Variants in CCDC141 observed in about 807,000 individuals in gnomAD.
The protein encoded by CCDC141 is coiled-coil domain-containing protein 141.
A neutral mutation model predicts 181.0 loss-of-function variants in CCDC141; 168 were observed. The observed-to-expected ratio is 0.93, with a 90% CI of 0.82 to 1.05. The LOEUF (loss-of-function observed/expected upper bound fraction) is 1.05, where lower values mean the gene tolerates loss of function less well. Ranked by LOEUF, CCDC141 falls within the 50% of genes least tolerant of loss-of-function variation. The probability of loss-of-function intolerance (pLI) is 0.00; values close to 1 mark genes in which losing one functional copy is unlikely to be tolerated. For synonymous variants in CCDC141, 666 were observed against 642.3 expected, an observed-to-expected ratio of 1.04 and a Z score of -0.56; for missense variants, 1,902 against 1,788.5, an observed-to-expected ratio of 1.06 and a Z score of -1.14.
intron 4 of CCDC141, among the ~76,000 whole-genome samples, chr2:178,969,752 A>G (rs576666057): frequency 3.3e-5 from 5 of 152,334 alleles, no homozygotes; most frequent in Non-Finnish European, 7.3e-5. Context: ...CCTATTCAAC[A>G]TAGTATTGGA....
intron 4 of CCDC141, among the ~76,000 whole-genome samples, chr2:178,962,765 G>A (rs1690464992): frequency 6.6e-6 from 1 of 151,786 alleles, no homozygotes; most frequent in African/African-American, 2.4e-5. Context: ...AGATTACTAT[G>A]TCTGACATGG....
intron 6 of CCDC141, among the ~76,000 whole-genome samples, chr2:178,943,625 A>G (rs1156875938): frequency 6.6e-6 from 1 of 152,080 alleles, no homozygotes; most frequent in Non-Finnish European, 1.5e-5. Context: ...ATAATCTAAA[A>G]TATTAATATA....
At chr2:178,947,634 A>G (rs1689786692) in intron 5 of CCDC141, among the ~76,000 whole-genome samples, 1 of 152,152 alleles carries the variant, frequency 6.6e-6, no homozygotes, top group African/African-American at 2.4e-5. Context: ...GATGACATCT[A>G]TCACAGAGTG....
intron 11 of CCDC141, among the ~76,000 whole-genome samples, chr2:178,882,529 A>G (rs191221639): frequency 6.6e-6 from 1 of 152,340 alleles, no homozygotes; most frequent in East Asian, 1.9e-4. Flanking sequence ...CATGGAGGAC[A>G]GGTGAATATG....
At chr2:178,923,356 G>A (rs1054349409) in intron 6 of CCDC141, among the ~76,000 whole-genome samples, 2 of 151,912 alleles carry the variant, frequency 1.3e-5, no homozygotes, top group Non-Finnish European at 2.9e-5. Flanking sequence ...CGCCCGCCTC[G>A]GCCTCCCAAA....
chr2:178,974,249 CTAGAAGTCAAGT>C (rs1446113723), intron 4 of CCDC141, among the ~76,000 whole-genome samples: 1 of 152,130 alleles, frequency 6.6e-6, no homozygotes, highest in African/African-American at 2.4e-5. Flanking sequence ...GCTGGTGGAG[CTAGAAGTCAAGT>C]TAGAACTGTG....
At chr2:178,972,782 C>T (rs981807691) in intron 4 of CCDC141, among the ~76,000 whole-genome samples, 2 of 152,154 alleles carry the variant, frequency 1.3e-5, no homozygotes, top group Admixed American at 1.3e-4. Context: ...GTGGAGGGAA[C>T]CAACTTGTTC....
At chr2:178,816,672 T>G in the CCDC141 span, among the ~76,000 whole-genome samples, 3 of 152,132 alleles carry the variant, frequency 2.0e-5, no homozygotes, top group African/African-American at 7.2e-5. Context: ...TGAGTGAGAG[T>G]TCCTGGTGCT....
chr2:178,943,235 GA>G (rs1040236239), intron 6 of CCDC141, among the ~76,000 whole-genome samples: 1 of 151,968 alleles, frequency 6.6e-6, no homozygotes, highest in Non-Finnish European at 1.5e-5. Context: ...ATAATTCAAT[GA>G]AAAAAGTTAA....
chr2:178,918,408 A>G (rs1412003323), intron 7 of CCDC141, among the ~76,000 whole-genome samples: 1 of 152,188 alleles, frequency 6.6e-6, no homozygotes, highest in Non-Finnish European at 1.5e-5. Context: ...GCCCTTTCTC[A>G]AAACAACAAC....
rs554379226 is a variant in CCDC141, at chr2:178,974,318, G to A, written c.526+739C>T. ...TTCTATCCAGACCCTATTCTATTTG[G>A]CAGTAAAATTAGAAGACATATTAGG... On this transcript the variant is annotated intron_variant, in intron 4 of 23. Coordinates refer to ENST00000443758, the MANE Select transcript of CCDC141 (RefSeq NM_173648.4). Among the ~76,000 whole-genome samples, 24 of 152,228 alleles carry A rather than the reference G, an allele frequency of 1.6e-4. No homozygotes were observed. The South Asian group carries it at 4.4e-3, about 28-fold the overall frequency.
intron 2 of CCDC141, among the ~76,000 whole-genome samples, chr2:179,016,452 CAGTT>C (rs1351892405): frequency 2.6e-5 from 4 of 152,052 alleles, no homozygotes; most frequent in Admixed American, 6.6e-5. Flanking sequence ...ACAGCATTAA[CAGTT>C]AGTAAATCTA....
Position 178,955,253 on chromosome 2 carries a change from C to T in CCDC141, c.780+5977G>A, listed in dbSNP as rs546146782. On this transcript the variant is annotated intron_variant, in intron 5 of 23. Transcript: ENST00000443758. ...TGAGCCGAGACTGTGCCACTGCACTCCAGCCTGGGTGACAGAGCGAGACTC... is the reference window on the plus strand; with the variant it reads ...TGAGCCGAGACTGTGCCACTGCACTTCAGCCTGGGTGACAGAGCGAGACTC... 4.6e-5 allele frequency among the ~76,000 whole-genome samples: 7 copies of T among 151,954 alleles called. No individual in the cohort carries two copies. In the South Asian group the frequency reaches 1.5e-3, roughly 32 times the overall value.
intron 6 of CCDC141, among the ~76,000 whole-genome samples, chr2:178,936,177 A>AT (rs1689281768): frequency 1.3e-5 from 2 of 152,024 alleles, no homozygotes; most frequent in South Asian, 4.1e-4. Context: ...GCCTATTCCT[A>AT]TGTCTAGGAT....
Position 178,850,128 on chromosome 2 carries a change from A to G in CCDC141, c.3278T>C (p.Ile1093Thr), listed in dbSNP as rs759640090. 6.2e-7 allele frequency: 1 copy of G among 1,610,042 alleles called. No individual in the cohort carries two copies. The highest frequency in any genetic ancestry group is 2.2e-5 in the East Asian group (1 of 44,730). The change falls in exon 21 of 24, where the codon ATA becomes ACA. Residue 1093 changes from isoleucine to threonine, a missense_variant. Transcript: ENST00000443758. The part of the protein sequence containing the change: ...LEEGQKYIEK[I>T]VTKHKEVLES... ...AAGAACCTCTTTGTGTTTTGTCACT[A>G]TTTTCTCAATATATTTCTGTCCTTC...
At chr2:178,889,596 T>C (rs1045880633) in intron 8 of CCDC141, among the ~76,000 whole-genome samples, 2 of 152,150 alleles carry the variant, frequency 1.3e-5, no homozygotes, top group East Asian at 1.9e-4. Flanking sequence ...AATTTATGAC[T>C]CTGTAAAAAT....
At chr2:178,866,025 A>G (rs1685837686) in intron 16 of CCDC141, 109 bp from the exon 17 acceptor site, 1 of 867,458 alleles carries the variant, frequency 1.2e-6, no homozygotes, top group African/African-American at 1.7e-5. Context: ...TTAAAAAAAG[A>G]AATAGGTTCC....
intron 20 of CCDC141, among the ~76,000 whole-genome samples, chr2:178,853,031 A>G (rs546204219): frequency 1.1e-4 from 16 of 152,344 alleles, no homozygotes; most frequent in African/African-American, 3.4e-4. Flanking sequence ...TGGAGACTTC[A>G]GTCTTAGCTT....
intron 2 of CCDC141, among the ~76,000 whole-genome samples, chr2:179,025,161 A>G (rs1284108523): frequency 2.6e-5 from 4 of 151,274 alleles, no homozygotes; most frequent in Non-Finnish European, 5.9e-5. Context: ...GGTTTGTTAT[A>G]TAGGTAAACT....
Sources: gnomAD v4.1 joint callset for allele counts (sites outside exome capture counted in the v4.1 genomes callset) on GRCh38, gnomAD v4.1.1 for gene constraint, MANE v1.5 for transcripts, NCBI Gene and HGNC (gene_info 2026-07-23, HGNC 2026-07-21) for gene names.